The following LRRC4C variants were observed in gnomAD, a reference collection of about 807,000 sequenced individuals.
LRRC4C encodes the protein leucine-rich repeat-containing protein 4C.
LRRC4C carries 5 observed loss-of-function variants against 33.6 expected under a neutral mutation model. The observed-to-expected ratio is 0.15, with a 90% CI of 0.08 to 0.31. The LOEUF (loss-of-function observed/expected upper bound fraction) is 0.31, where lower values mean the gene tolerates loss of function less well. Ranked by LOEUF, LRRC4C falls within the 10% of genes least tolerant of loss-of-function variation. The probability of loss-of-function intolerance (pLI) is 1.00; values close to 1 mark genes in which losing one functional copy is unlikely to be tolerated. For synonymous variants in LRRC4C, 329 were observed against 302.0 expected (o/e 1.09, Z -0.93); for missense variants, 560 against 796.7 (o/e 0.70, Z 3.58).
At chr11:40,227,605 T>C (rs930377842) in intron 5 of LRRC4C, among the ~76,000 whole-genome samples, 1 of 152,202 alleles carries the variant, frequency 6.6e-6, no homozygotes, top group Admixed American at 6.5e-5. Flanking sequence ...ATGGAGGGTA[T>C]GCAGTGTCAC....
At chr11:40,421,235 A>G (rs999387186) in intron 3 of LRRC4C, among the ~76,000 whole-genome samples, 3 of 152,346 alleles carry the variant, frequency 2.0e-5, no homozygotes, top group Non-Finnish European at 4.4e-5. Context: ...AATAGGACAG[A>G]TCTGATGTTC....
At chr11:40,513,248 C>CAAAAAAAAAAA (rs1171178910) in intron 3 of LRRC4C, among the ~76,000 whole-genome samples, 2 of 54,996 alleles carry the variant, frequency 3.6e-5, no homozygotes, top group African/African-American at 1.3e-4. Flanking sequence ...GACTCCGTCT[C>CAAAAAAAAAAA]AAAAAAAAAA....
chr11:40,406,223 CCTT>C (rs1025005399), intron 3 of LRRC4C, among the ~76,000 whole-genome samples: 15 of 152,190 alleles, frequency 9.9e-5, no homozygotes, highest in African/African-American at 3.4e-4. Context: ...TTTTCTTCCT[CCTT>C]CTTCACCTGA....
intron 1 of LRRC4C, among the ~76,000 whole-genome samples, chr11:41,205,136 A>T (rs1338844623): frequency 1.3e-5 from 2 of 152,314 alleles, no homozygotes; most frequent in African/African-American, 2.4e-5. Flanking sequence ...ACATAAAAAA[A>T]GTAAGTGTGA....
chr11:40,443,774 TAA>T (rs771747996), intron 3 of LRRC4C, among the ~76,000 whole-genome samples: 3 of 152,150 alleles, frequency 2.0e-5, no homozygotes. Flanking sequence ...TTTTCAAAAA[TAA>T]AAAGTGTGTT....
intron 1 of LRRC4C, among the ~76,000 whole-genome samples, chr11:41,125,767 G>A (rs996209872): frequency 6.6e-6 from 1 of 152,148 alleles, no homozygotes; most frequent in Non-Finnish European, 1.5e-5. Flanking sequence ...GACATTCTTT[G>A]TTGAAGAGGG....
chr11:41,453,652 TTGTGTGTATGTG>T (rs1292467166), intron 1 of LRRC4C, among the ~76,000 whole-genome samples: 2 of 151,972 alleles, frequency 1.3e-5, no homozygotes, highest in Non-Finnish European at 2.9e-5. Flanking sequence ...CTTGCTTATT[TTGTGTGTATGTG>T]TGTGTGTGTG....
chr11:40,206,670 G>A (rs768505982), intron 5 of LRRC4C, among the ~76,000 whole-genome samples: 2 of 152,148 alleles, frequency 1.3e-5, no homozygotes, highest in Non-Finnish European at 2.9e-5. Flanking sequence ...GAGTCCCAGA[G>A]TCCATGTCTA....
chr11:41,423,411 A>G (rs1954937199), intron 1 of LRRC4C, among the ~76,000 whole-genome samples: 1 of 152,106 alleles, frequency 6.6e-6, no homozygotes, highest in Admixed American at 6.6e-5. Context: ...TCCTTCAAAC[A>G]AAACCATATC....
intron 2 of LRRC4C, among the ~76,000 whole-genome samples, chr11:40,816,901 T>C (rs73472603): frequency 8.9e-4 from 136 of 152,300 alleles, no homozygotes; most frequent in Middle Eastern, 3.4e-3. Flanking sequence ...TTTCCACGTA[T>C]AGGTAGAAGA....
chr11:40,658,975 C>T (rs1388175212), intron 2 of LRRC4C, among the ~76,000 whole-genome samples: 1 of 152,184 alleles, frequency 6.6e-6, no homozygotes, highest in Admixed American at 6.5e-5. Context: ...GAGAGCCCTG[C>T]ACCCTAATGA....
At chr11:40,961,497 A>C (rs1368028313) in intron 1 of LRRC4C, among the ~76,000 whole-genome samples, 1 of 151,736 alleles carries the variant, frequency 6.6e-6, no homozygotes, top group African/African-American at 2.4e-5. Context: ...GTCTTTCATG[A>C]CTTTTAAAAT....
intron 1 of LRRC4C, among the ~76,000 whole-genome samples, chr11:41,355,728 A>G (rs1361467119): frequency 6.6e-6 from 1 of 152,144 alleles, no homozygotes; most frequent in Non-Finnish European, 1.5e-5. Context: ...TATGTACAGT[A>G]TCCATTTTTG....
chr11:40,725,155 T>C (rs1483030305), intron 2 of LRRC4C, among the ~76,000 whole-genome samples: 3 of 152,176 alleles, frequency 2.0e-5, no homozygotes, highest in Non-Finnish European at 4.4e-5. Flanking sequence ...ACTCTAGCAT[T>C]CCTGATAAGA....
chr11:40,867,119 AT>A (rs1183876448), intron 2 of LRRC4C, among the ~76,000 whole-genome samples: 16 of 152,204 alleles, frequency 1.1e-4, no homozygotes, highest in Middle Eastern at 3.4e-3. Flanking sequence ...TTAATCACTT[AT>A]TTTGCTTTCT....
At chr11:40,806,336 A>C (rs1951246585) in intron 2 of LRRC4C, among the ~76,000 whole-genome samples, 2 of 152,182 alleles carry the variant, frequency 1.3e-5, no homozygotes, top group Non-Finnish European at 2.9e-5. Context: ...CTATCTGTCC[A>C]TGTCCATGTC....
chr11:40,173,505 C>G (rs558721571), intron 5 of LRRC4C, among the ~76,000 whole-genome samples: 2 of 152,180 alleles, frequency 1.3e-5, no homozygotes, highest in African/African-American at 4.8e-5. Flanking sequence ...AACACAAATA[C>G]CTCCAACTAT....
At chr11:40,878,077 G>A (rs1466797563) in intron 2 of LRRC4C, among the ~76,000 whole-genome samples, 1 of 152,008 alleles carries the variant, frequency 6.6e-6, no homozygotes, top group Non-Finnish European at 1.5e-5. Context: ...ATTTTGGCTA[G>A]GGCTTGTGAG....
intron 3 of LRRC4C, among the ~76,000 whole-genome samples, chr11:40,411,147 TA>T (rs778075042): frequency 1.8e-4 from 27 of 152,202 alleles, no homozygotes; most frequent in Non-Finnish European, 2.9e-4. Flanking sequence ...TAATATTGAC[TA>T]AAAATTATAT....
Sources: allele counts gnomAD v4.1 joint callset (sites outside exome capture counted in the v4.1 genomes callset), GRCh38; gene constraint gnomAD v4.1.1; transcripts MANE v1.5; gene names NCBI Gene and HGNC (gene_info 2026-07-23, HGNC 2026-07-21).